PPM1B: variants seen among roughly 807,000 people sequenced by gnomAD.
PPM1B encodes protein phosphatase 1B.
A neutral mutation model predicts 43.0 loss-of-function variants in PPM1B; 22 were observed. That is an observed-to-expected ratio of 0.51 (90% CI 0.37 to 0.73). The LOEUF is 0.73. Ranked by LOEUF, PPM1B falls within the 30% of genes least tolerant of loss-of-function variation. The pLI is 0.00. For missense variants in PPM1B, 632 were observed against 584.2 expected, an observed-to-expected ratio of 1.08 and a Z score of -0.84; for synonymous variants, 217 against 197.9, an observed-to-expected ratio of 1.10 and a Z score of -0.81.
At chr2:44,178,468 ATATATAT>A (rs1667694923) in intron 1 of PPM1B, among the ~76,000 whole-genome samples, 1 of 85,208 alleles carries the variant, frequency 1.2e-5, no homozygotes, top group Admixed American at 1.5e-4. Context: ...ATATATATAT[ATATATAT>A]TTTTTTTTTT....
chr2:44,241,411 C>T (rs2104295175), intron 5 of PPM1B, among the ~76,000 whole-genome samples: 1 of 144,666 alleles, frequency 6.9e-6, no homozygotes, highest in Non-Finnish European at 1.5e-5. Context: ...GTCGGGAATA[C>T]ATGTGTTAAT....
intron 2 of PPM1B, among the ~76,000 whole-genome samples, chr2:44,208,435 G>C (rs1226364385): frequency 2.6e-5 from 4 of 152,190 alleles, no homozygotes; most frequent in African/African-American, 7.2e-5. Context: ...TTGTGGGGCT[G>C]GGCGCGGTGG....
At chr2:44,205,353 G>GT (rs1572720548) in intron 2 of PPM1B, among the ~76,000 whole-genome samples, 33 of 139,816 alleles carry the variant, frequency 2.4e-4, no homozygotes, top group South Asian at 1.6e-3. Flanking sequence ...GTGTGGGTGT[G>GT]GGTGTGTGTG....
chr2:44,194,677 C>T (rs926893735), intron 1 of PPM1B, among the ~76,000 whole-genome samples: 14 of 151,678 alleles, frequency 9.2e-5, no homozygotes, highest in Admixed American at 7.2e-4. Flanking sequence ...GAGCCGAGAT[C>T]GCGCTACTGC....
At chr2:44,234,698 T>A, downstream of PPM1B, 2 of 765,094 alleles carry the variant, frequency 2.6e-6, no homozygotes, top group Non-Finnish European at 3.2e-6. Context: ...CCACTTATAC[T>A]CTTACAAATT....
rs1668866672 is a variant in PPM1B, at chr2:44,200,156, G to A, written c.-14-1030G>A. ...TGGTGTTTATTGTGTTTTAAGTGCTGTTTTAAGCACTTTACATTGACTCAT... is the reference window on the plus strand; with the variant it reads ...TGGTGTTTATTGTGTTTTAAGTGCTATTTTAAGCACTTTACATTGACTCAT... On this transcript the variant is annotated intron_variant, in intron 1 of 5. Transcript: ENST00000282412. Among the ~76,000 whole-genome samples the A allele has an allele frequency of 2.0e-5, 3 of 152,316 alleles. No homozygotes were observed. The South Asian group carries it at 6.2e-4, about 32-fold the overall frequency.
At chr2:44,240,779 C>G (rs933320420) in intron 5 of PPM1B, among the ~76,000 whole-genome samples, 1 of 144,386 alleles carries the variant, frequency 6.9e-6, no homozygotes, top group African/African-American at 2.5e-5. Context: ...TCTGGGGTGG[C>G]TCAGTAAAAT....
At chr2:44,195,654 G>A (rs1668628131) in intron 1 of PPM1B, among the ~76,000 whole-genome samples, 1 of 152,166 alleles carries the variant, frequency 6.6e-6, no homozygotes, top group South Asian at 2.1e-4. Flanking sequence ...TCCAACATGG[G>A]TGACAGAGCA....
At chr2:44,186,328 T>C (rs1234282822) in intron 1 of PPM1B, among the ~76,000 whole-genome samples, 1 of 152,208 alleles carries the variant, frequency 6.6e-6, no homozygotes, top group Non-Finnish European at 1.5e-5. Context: ...ATCAGTTAAA[T>C]TTTGAAGATA....
intron 1 of PPM1B, among the ~76,000 whole-genome samples, chr2:44,180,009 C>CAAA (rs766537523): frequency 2.4e-4 from 20 of 83,652 alleles, no homozygotes; most frequent in African/African-American, 8.2e-4. Context: ...AACTTCGTTC[C>CAAA]AAAAAAAAAA....
intron 1 of PPM1B, among the ~76,000 whole-genome samples, chr2:44,182,579 T>C (rs1040733777): frequency 6.6e-6 from 1 of 152,206 alleles, no homozygotes; most frequent in Non-Finnish European, 1.5e-5. Context: ...TAATTTATAA[T>C]TACTTTGTTC....
At chr2:44,169,758 A>G (rs139020333) in intron 1 of PPM1B, among the ~76,000 whole-genome samples, 136 of 152,198 alleles carry the variant, frequency 8.9e-4, no homozygotes, top group Middle Eastern at 3.4e-3. Context: ...TCTGCTGTCT[A>G]TGCGTTCTAC....
chr2:44,175,265 G>A (rs1187411353), intron 1 of PPM1B, among the ~76,000 whole-genome samples: 2 of 151,918 alleles, frequency 1.3e-5, no homozygotes, highest in East Asian at 3.9e-4. Flanking sequence ...AAAAACAAAA[G>A]TGGGGGTGGG....
downstream of PPM1B, chr2:44,233,445 G>A (rs1451718349): frequency 2.0e-5 from 20 of 983,040 alleles, no homozygotes; most frequent in Non-Finnish European, 2.3e-5. Flanking sequence ...TCTGAGTTTT[G>A]CATGTATTAA....
intron 3 of PPM1B, among the ~76,000 whole-genome samples, chr2:44,216,550 G>A (rs942169697): frequency 2.0e-4 from 30 of 152,304 alleles, no homozygotes; most frequent in African/African-American, 6.7e-4. Flanking sequence ...GCATATGGGA[G>A]TGTATTGCAG....
At position 44,209,368 on chromosome 2, in the gene PPM1B, C is replaced by T. The variant is rs573299475; in HGVS notation, c.964+41C>T. On this transcript the variant is annotated intron_variant, in intron 3 of 5. Coordinates refer to ENST00000282412, the MANE Select transcript of PPM1B (RefSeq NM_002706.6). Reference sequence around the variant, plus strand: ...TTTAAAAATATAGACAGGCCAGGCACGGTAGCTCATGCCTGTAATCCTAGC... The same window carrying T: ...TTTAAAAATATAGACAGGCCAGGCATGGTAGCTCATGCCTGTAATCCTAGC... 17 of 1,605,078 alleles carry T rather than the reference C, an allele frequency of 1.1e-5. No homozygotes were observed. The South Asian group carries it at 1.4e-4, about 14-fold the overall frequency.
At chr2:44,194,457 C>G (rs1052632447) in intron 1 of PPM1B, among the ~76,000 whole-genome samples, 5 of 152,170 alleles carry the variant, frequency 3.3e-5, no homozygotes, top group African/African-American at 1.2e-4. Context: ...GGCGTGTTGG[C>G]TCATGCCTGT....
chr2:44,219,801 G>T (rs1054144478), intron 5 of PPM1B, among the ~76,000 whole-genome samples: 1 of 151,960 alleles, frequency 6.6e-6, no homozygotes, highest in Non-Finnish European at 1.5e-5. Flanking sequence ...ATATTAACTG[G>T]GCATGGTGGC....
At chr2:44,237,753 G>C (rs995963573), downstream of PPM1B, among the ~76,000 whole-genome samples, 10 of 152,048 alleles carry the variant, frequency 6.6e-5, no homozygotes, top group African/African-American at 2.4e-4. Flanking sequence ...AAGATGAAGA[G>C]GACCAGTACC....
Sources: allele counts gnomAD v4.1 joint callset (sites outside exome capture counted in the v4.1 genomes callset), GRCh38; gene constraint gnomAD v4.1.1; transcripts MANE v1.5; gene names NCBI Gene and HGNC (gene_info 2026-07-23, HGNC 2026-07-21).